HADHB: variants seen among roughly 807,000 people sequenced by gnomAD.
The protein encoded by HADHB is trifunctional enzyme subunit beta, mitochondrial.
HADHB carries 50 observed loss-of-function variants against 61.9 expected under a neutral mutation model. The observed-to-expected ratio is 0.81, with a 90% confidence interval of 0.64 to 1.02. The LOEUF (loss-of-function observed/expected upper bound fraction) is 1.02, where lower values mean the gene tolerates loss of function less well. Ranked by LOEUF, HADHB falls within the 50% of genes least tolerant of loss-of-function variation. The probability of loss-of-function intolerance (pLI) is 0.00; values close to 1 mark genes in which losing one functional copy is unlikely to be tolerated. For missense variants in HADHB, 504 were observed against 586.5 expected (o/e 0.86, Z 1.45); for synonymous variants, 191 against 201.6 (o/e 0.95, Z 0.45).
Position 26,280,097 on chromosome 2 carries a change from T to G in HADHB, c.915T>G (p.Ala305=), listed in dbSNP as rs1213446758. The G allele has an allele frequency of 6.2e-7, 1 of 1,612,834 alleles. No homozygotes were observed. The change falls in exon 10 of 16, where the codon GCT becomes GCG. Residue 305 remains alanine (A), a synonymous_variant. Coordinates refer to ENST00000317799, the MANE Select transcript of HADHB (RefSeq NM_000183.3). ...TCAAGCCCTACGGCACAGTGACAGCTGCAAATTCTTCTTTCTTGGTAACTG... is the reference window on the plus strand; with the variant it reads ...TCAAGCCCTACGGCACAGTGACAGCGGCAAATTCTTCTTTCTTGGTAACTG... ...AFIKPYGTVT[A]ANSSFLTDGA...
chr2:26,248,404 G>A (rs1006072375), intron 1 of HADHB, among the ~76,000 whole-genome samples: 6 of 150,366 alleles, frequency 4.0e-5, no homozygotes, highest in African/African-American at 1.5e-4. Flanking sequence ...TTTTTGAGAC[G>A]GAGTCTCGTT....
intron 4 of HADHB, among the ~76,000 whole-genome samples, chr2:26,267,515 A>G (rs1672136739): frequency 6.6e-6 from 1 of 152,112 alleles, no homozygotes; most frequent in Non-Finnish European, 1.5e-5. Flanking sequence ...ATAAGTGAAT[A>G]AATAAATACA....
chr2:26,279,307 A>G lies in HADHB; in HGVS notation c.803A>G (p.Lys268Arg). Residue 268 changes from lysine to arginine, a missense_variant, in exon 9 of 16, where the codon AAA (lysine) becomes AGA (arginine). Physicochemically the swap from Lys to Arg is conservative, Grantham distance 26. Coordinates refer to ENST00000317799, the MANE Select transcript of HADHB (RefSeq NM_000183.3). ...EGLLSDVVPFKVPGKDTVTKD... is the reference protein window; with the variant it reads ...EGLLSDVVPFRVPGKDTVTKD... ...CTCCTTTCTGATGTGGTACCCTTCA[A>G]AGTACCAGGTGAAATGAAATGCTTC... 1.2e-6 allele frequency: 2 copies of G among 1,605,552 alleles called. No homozygotes were observed. The highest frequency in any genetic ancestry group is 1.7e-6 in the Non-Finnish European group (2 of 1,172,160).
In HADHB at chr2:26,263,451, C is replaced by T. The variant is rs780351691; in HGVS notation, c.181C>T (p.Arg61Cys). ...IRNVVVVDGV[R>C]TPFLLSGTSY... ...GAATGTTGTGGTGGTGGATGGTGTT[C>T]GCACTCCATTTTTGCTGTCTGGCAC... Residue 61 changes from arginine to cysteine, a missense_variant, in exon 4 of 16, where the codon CGC becomes TGC. Transcript: ENST00000317799. 23 of 1,610,854 alleles carry T rather than the reference C, an allele frequency of 1.4e-5. No homozygotes were observed. The highest frequency in any genetic ancestry group is 3.3e-5 in the Admixed American group (2 of 59,980).
intron 9 of HADHB, 27 bp from the exon 10 acceptor site, chr2:26,279,967 A>G (rs1160041350): frequency 1.7e-5 from 27 of 1,558,796 alleles, no homozygotes; most frequent in Non-Finnish European, 2.3e-5. Flanking sequence ...GGTTCCATAG[A>G]GTTAAAAAAA....
In HADHB at chr2:26,284,142, C is replaced by A; in HGVS notation, c.1087C>A (p.Leu363Ile). Reference sequence around the variant, plus strand: ...ACCAACATATGCTACTCCAAAAGTTCTAGAAAAGGCAGGATTGACCATGAA... The same window carrying A: ...ACCAACATATGCTACTCCAAAAGTTATAGAAAAGGCAGGATTGACCATGAA... ...LGPTYATPKV[L>I]EKAGLTMNDI... The change falls in exon 13 of 16, where the codon CTA (leucine) becomes ATA (isoleucine). Residue 363 changes from leucine to isoleucine, a missense_variant. Leu to Ile is a conservative substitution (Grantham distance 5, BLOSUM62 2). Transcript: ENST00000317799. The A allele has an allele frequency of 6.3e-7, 1 of 1,596,382 alleles. No individual in the cohort carries two copies. Among genetic ancestry groups the A allele is most frequent in the Non-Finnish European group, 8.6e-7 (1 of 1,164,106 alleles).
At chr2:26,283,696 C>T (rs1024393403) in intron 12 of HADHB, among the ~76,000 whole-genome samples, 5 of 152,090 alleles carry the variant, frequency 3.3e-5, no homozygotes, top group African/African-American at 1.2e-4. Context: ...TATGGCTACA[C>T]ACCCTGCTAC....
At chr2:26,256,527 G>GTATA (rs56218622) in intron 3 of HADHB, among the ~76,000 whole-genome samples, 3 of 149,384 alleles carry the variant, frequency 2.0e-5, no homozygotes, top group African/African-American at 7.4e-5. Flanking sequence ...TTCTCTCTGT[G>GTATA]TATATATATA....
intron 15 of HADHB, among the ~76,000 whole-genome samples, chr2:26,285,800 A>G (rs1673012161): frequency 7.9e-6 from 1 of 126,906 alleles, no homozygotes; most frequent in South Asian, 2.6e-4. Context: ...TGCAGTGGTA[A>G]TATCTTAGCT....
intron 3 of HADHB, among the ~76,000 whole-genome samples, chr2:26,256,950 TA>T (rs1346504877): frequency 6.6e-6 from 1 of 152,160 alleles, no homozygotes; most frequent in Non-Finnish European, 1.5e-5. Flanking sequence ...GGTCATATGG[TA>T]GTTTTCTGCT....
At chr2:26,257,409 C>A (rs982172833) in intron 3 of HADHB, among the ~76,000 whole-genome samples, 1 of 152,026 alleles carries the variant, frequency 6.6e-6, no homozygotes, top group East Asian at 1.9e-4. Flanking sequence ...CATGAGCCAC[C>A]ACACCCGGCC....
intron 10 of HADHB, among the ~76,000 whole-genome samples, chr2:26,281,341 C>T (rs1422050499): frequency 3.3e-5 from 5 of 152,116 alleles, no homozygotes; most frequent in East Asian, 1.9e-4. Flanking sequence ...TGAAAACATA[C>T]GCAGATGTTT....
In HADHB at chr2:26,263,467, T is replaced by TGTCTGGCA. The variant is rs1376142506; in HGVS notation, c.198_205dup (p.Thr69SerfsTer9). ...GATGGTGTTCGCACTCCATTTTTGC[T>TGTCTGGCA]GTCTGGCACTTCGTAAGTATGACAT... On this transcript the variant is annotated frameshift_variant, in exon 4 of 16. Coordinates refer to ENST00000317799, the MANE Select transcript of HADHB (RefSeq NM_000183.3). LOFTEE classifies it high-confidence loss of function. The TGTCTGGCA allele has an allele frequency of 6.3e-7, 1 of 1,596,882 alleles. No individual in the cohort carries two copies. The highest frequency in any genetic ancestry group is 8.6e-7 in the Non-Finnish European group (1 of 1,164,282).
intron 5 of HADHB, among the ~76,000 whole-genome samples, chr2:26,270,902 G>A (rs1228170852): frequency 7.9e-5 from 11 of 139,384 alleles, no homozygotes; most frequent in Non-Finnish European, 1.4e-4. Context: ...TTTTTGAGAC[G>A]GAGTCTCGCT....
chr2:26,253,857 AAAATAAATAAAT>A (rs146843338), intron 1 of HADHB, among the ~76,000 whole-genome samples: 66 of 125,634 alleles, frequency 5.3e-4, no homozygotes, highest in African/African-American at 1.2e-3. Context: ...CCATCTCAAA[AAAATAAATAAAT>A]AAATAAATAA....
intron 4 of HADHB, among the ~76,000 whole-genome samples, chr2:26,267,125 A>G (rs1050616156): frequency 1.3e-5 from 2 of 152,132 alleles, no homozygotes; most frequent in African/African-American, 4.8e-5. Context: ...ATTTAATCCA[A>G]TGATTAAATC....
intron 15 of HADHB, among the ~76,000 whole-genome samples, chr2:26,289,269 TAAAA>T (rs903170224): frequency 6.6e-6 from 1 of 151,882 alleles, no homozygotes. Context: ...ATAAAAAAAA[TAAAA>T]AAAGAAAGAT....
rs573932579 is a variant in HADHB, at chr2:26,267,697, G to A, written c.210-2256G>A. 1.3e-4 allele frequency among the ~76,000 whole-genome samples: 20 copies of A among 151,392 alleles called. No homozygotes were observed. The South Asian group carries it at 3.6e-3, about 27-fold the overall frequency. ...TGAGGCAGGAGAATCGATTGAACCC[G>A]GGAGGCAGAGGTTGCGGTGAGCCGA... On this transcript the variant is annotated intron_variant, in intron 4 of 15. Transcript: ENST00000317799.
chr2:26,286,673 T>A (rs1299469119), intron 15 of HADHB, among the ~76,000 whole-genome samples: 1 of 151,742 alleles, frequency 6.6e-6, no homozygotes, highest in Non-Finnish European at 1.5e-5. Context: ...CGGGCAATTT[T>A]TTTTGTATTT....
Sources: gnomAD v4.1 joint callset for allele counts (sites outside exome capture counted in the v4.1 genomes callset) on GRCh38, gnomAD v4.1.1 for gene constraint, MANE v1.5 for transcripts, NCBI Gene and HGNC (gene_info 2026-07-23, HGNC 2026-07-21) for gene names.